The following ARAP2 variants were observed in gnomAD, a reference collection of about 807,000 sequenced individuals.
ARAP2 encodes the protein ArfGAP with RhoGAP domain, ankyrin repeat and PH domain 2, also known as arf-GAP with Rho-GAP domain, ANK repeat and PH domain-containing protein 2.
Under a neutral mutation model 194.5 loss-of-function variants are expected in ARAP2, and 148 were observed. The observed-to-expected ratio is 0.76, with a 90% CI of 0.67 to 0.87. ARAP2 has a LOEUF of 0.87. Among genes scored for constraint, ARAP2 ranks in the 40% least tolerant of loss-of-function variants. ARAP2 has a pLI of 0.00. For missense variants in ARAP2, 2,128 were observed against 1,989.7 expected, an observed-to-expected ratio of 1.07 and a Z score of -1.32; for synonymous variants, 695 against 683.5, an observed-to-expected ratio of 1.02 and a Z score of -0.26.
rs370187094 is a variant in ARAP2 at position 36,124,985 on chromosome 4, AC to A, written c.3641-19del. The stretch of plus-strand genomic sequence containing the variant: ...TTGCGTATCTGAAGGGGAAAAAAAA[AC>A]AATCTTGAGATCTAAACTAATTATC... On this transcript the variant is annotated intron_variant, in intron 21 of 32. Transcript: ENST00000303965. The A allele has an allele frequency of 1.6e-4, 235 of 1,499,784 alleles. No individual in the cohort carries two copies. The South Asian group carries it at 1.9e-3, about 12-fold the overall frequency. 92.9% of individuals were successfully genotyped at this position (1,499,784 alleles called of 1,614,324 possible). A position where few individuals can be genotyped will look rare whatever the true frequency, so the allele number is the denominator to read the frequency against.
intron 3 of ARAP2, among the ~76,000 whole-genome samples, chr4:36,213,909 T>C (rs1747336615): frequency 6.6e-6 from 1 of 152,124 alleles, no homozygotes; most frequent in Admixed American, 6.5e-5. Flanking sequence ...TATTTGCATT[T>C]CTACTCTGGC....
intron 9 of ARAP2, among the ~76,000 whole-genome samples, chr4:36,010,739 A>G (rs1209170014): frequency 6.6e-6 from 1 of 152,082 alleles, no homozygotes; most frequent in Non-Finnish European, 1.5e-5. Flanking sequence ...CTCGCCTCTA[A>G]GAATAATCAT....
At chr4:36,239,808 T>G (rs537222448) in intron 1 of ARAP2, among the ~76,000 whole-genome samples, 20 of 152,334 alleles carry the variant, frequency 1.3e-4, no homozygotes, top group Admixed American at 3.3e-4. Context: ...GAAAACAGAC[T>G]AGAAGATTTG....
intron 8 of ARAP2, among the ~76,000 whole-genome samples, chr4:36,180,688 T>C (rs10050120): frequency 0.048 from 7,386 of 152,332 alleles, 602 homozygotes; most frequent in African/African-American, 0.17. Context: ...TTTAGATTAC[T>C]GTTAGCATAT....
In ARAP2 at chr4:36,106,582, G is replaced by T. The variant is rs143515141; in HGVS notation, c.4285+983C>A. Among the ~76,000 whole-genome samples the T allele has an allele frequency of 9.9e-5, 15 of 152,012 alleles. 1 individual carries two copies. The highest frequency in any genetic ancestry group is 6.6e-4 in the Admixed American group (10 of 15,242). On this transcript the variant is annotated intron_variant, in intron 27 of 32. Transcript: ENST00000303965. ...AGAGAATCTGCAATGATACTGAGTAGTTTACAGCACTGAAGAGCTGTACCA... is the reference window on the plus strand; with the variant it reads ...AGAGAATCTGCAATGATACTGAGTATTTTACAGCACTGAAGAGCTGTACCA...
chr4:36,014,324 G>GATAAAGAAAGAA (rs1553861946), intron 8 of ARAP2, among the ~76,000 whole-genome samples: 6 of 109,856 alleles, frequency 5.5e-5, no homozygotes, highest in African/African-American at 2.5e-4. Context: ...GAAAGAAAGA[G>GATAAAGAAAGAA]AGAAAGAAAG....
intron 6 of ARAP2, among the ~76,000 whole-genome samples, chr4:36,204,074 CTTCCT>C (rs1745021823): frequency 6.6e-6 from 1 of 152,230 alleles, no homozygotes; most frequent in South Asian, 2.1e-4. Flanking sequence ...ACTGAAGAAA[CTTCCT>C]AGTGAGCAGA....
At chr4:36,080,645 G>T (rs532340523) in intron 30 of ARAP2, among the ~76,000 whole-genome samples, 1 of 152,246 alleles carries the variant, frequency 6.6e-6, no homozygotes, top group African/African-American at 2.4e-5. Context: ...AAAAATATGT[G>T]CACATCCTCA....
At chr4:36,045,738 T>C (rs1046501446) in intron 5 of ARAP2, among the ~76,000 whole-genome samples, 5 of 152,166 alleles carry the variant, frequency 3.3e-5, no homozygotes, top group Non-Finnish European at 7.3e-5. Context: ...TGTGAGGTGA[T>C]AGATATGCTA....
chr4:36,197,942 G>T (rs1029312609), intron 6 of ARAP2, among the ~76,000 whole-genome samples: 1 of 39,944 alleles, frequency 2.5e-5, no homozygotes, highest in South Asian at 1.6e-3. Context: ...TCCCCGAAGG[G>T]CCGCAGCTCT....
intron 2 of ARAP2, among the ~76,000 whole-genome samples, chr4:36,053,210 TG>T (rs1722973397): frequency 6.6e-6 from 1 of 152,046 alleles, no homozygotes; most frequent in Non-Finnish European, 1.5e-5. Flanking sequence ...TTTACCATCT[TG>T]GCCAGGCTGG....
At chr4:36,096,263 G>A (rs887542189) in intron 27 of ARAP2, among the ~76,000 whole-genome samples, 2 of 150,478 alleles carry the variant, frequency 1.3e-5, no homozygotes, top group Non-Finnish European at 2.9e-5. Context: ...TACTCAGGAG[G>A]CTGAGGCATG....
At chr4:36,192,031 G>A (rs1026029236) in intron 7 of ARAP2, among the ~76,000 whole-genome samples, 2 of 152,108 alleles carry the variant, frequency 1.3e-5, no homozygotes, top group African/African-American at 4.8e-5. Context: ...AGACCCAACT[G>A]TTCAGTTCTC....
intron 8 of ARAP2, among the ~76,000 whole-genome samples, chr4:36,178,655 T>TC (rs1233617225): frequency 6.6e-6 from 1 of 152,106 alleles, no homozygotes; most frequent in Non-Finnish European, 1.5e-5. Context: ...TTCGATCTAG[T>TC]CCCCAAGGAG....
rs760770755 is a variant in ARAP2 at position 36,073,756 on chromosome 4, A to G, written c.4676T>C (p.Ile1559Thr). The G allele has an allele frequency of 3.1e-6, 5 of 1,613,262 alleles. No individual in the cohort carries two copies. In the South Asian group the frequency reaches 5.5e-5, roughly 18 times the overall value. The change falls in exon 32 of 33, where the codon ATT (isoleucine) becomes ACT (threonine). Residue 1559 changes from isoleucine to threonine, a missense_variant. Ile to Thr is a moderately conservative substitution (Grantham distance 89). Coordinates refer to ENST00000303965, the MANE Select transcript of ARAP2 (RefSeq NM_015230.4). ...TATAGGAATCAGAGGCAAACCTCCA[A>G]TTTTGGGATTTTTGGTTATTGAACG... Reference protein sequence around the residue: ...RKRSITKNPKIGGLPLIPIQH... With the variant: ...RKRSITKNPKTGGLPLIPIQH...
At chr4:36,114,628 C>T (rs1303352907) in intron 25 of ARAP2, among the ~76,000 whole-genome samples, 1 of 151,990 alleles carries the variant, frequency 6.6e-6, no homozygotes, top group Non-Finnish European at 1.5e-5. Context: ...AAAATTTTTA[C>T]TCAACAGTTC....
chr4:36,108,644 A>G (rs903204145), intron 26 of ARAP2, among the ~76,000 whole-genome samples: 8 of 151,986 alleles, frequency 5.3e-5, no homozygotes, highest in African/African-American at 1.9e-4. Flanking sequence ...AGGCAATCAT[A>G]ATTTTAAATG....
At chr4:36,089,382 TCAG>T (rs1305000368) in intron 28 of ARAP2, among the ~76,000 whole-genome samples, 1 of 152,160 alleles carries the variant, frequency 6.6e-6, no homozygotes, top group Non-Finnish European at 1.5e-5. Flanking sequence ...CTTCCAGTTA[TCAG>T]CTTTTATGAA....
At chr4:36,079,221 T>C (rs1278708194) in intron 31 of ARAP2, among the ~76,000 whole-genome samples, 1 of 146,782 alleles carries the variant, frequency 6.8e-6, no homozygotes, top group Non-Finnish European at 1.5e-5. Flanking sequence ...TTTTAATAAG[T>C]TACAAAAAGA....
Sources: gnomAD v4.1 joint callset for allele counts (sites outside exome capture counted in the v4.1 genomes callset) on GRCh38, gnomAD v4.1.1 for gene constraint, MANE v1.5 for transcripts, NCBI Gene and HGNC (gene_info 2026-07-23, HGNC 2026-07-21) for gene names.